The following ROR2 variants were observed in gnomAD, a reference collection of about 807,000 sequenced individuals.
ROR2 encodes the protein ROR family WNT receptor 2, also known as tyrosine-protein kinase transmembrane receptor ROR2.
Under a neutral mutation model 74.9 loss-of-function variants are expected in ROR2, and 33 were observed. That is an observed-to-expected ratio of 0.44 (90% CI 0.33 to 0.59). The LOEUF (loss-of-function observed/expected upper bound fraction) is 0.59, where lower values mean the gene tolerates loss of function less well. Among genes scored for constraint, ROR2 ranks in the 20% least tolerant of loss-of-function variants. ROR2 has a pLI of 0.02. For missense variants in ROR2, 1,216 were observed against 1,313.8 expected (o/e 0.93, Z 1.15); for synonymous variants, 586 against 558.7 (o/e 1.05, Z -0.69).
intron 1 of ROR2, among the ~76,000 whole-genome samples, chr9:91,936,480 C>G (rs910756347): frequency 6.6e-6 from 1 of 152,158 alleles, no homozygotes; most frequent in East Asian, 1.9e-4. Flanking sequence ...TGGATTATAG[C>G]CCACCGTAAA....
Position 91,724,423 on chromosome 9 carries a change from G to A in ROR2, c.2071C>T (p.Gln691Ter), listed in dbSNP as rs1354684109. The change falls in exon 9 of 9, where the codon CAG (glutamine) becomes TAG (stop). Residue 691 changes from glutamine to a stop codon, truncating the protein, a stop_gained. Coordinates refer to ENST00000375708, the MANE Select transcript of ROR2 (RefSeq NM_004560.4). LOFTEE classifies it high-confidence loss of function. Reference sequence around the variant, plus strand: ...TGGTTGGAGTACCCGCAGTAGGGCTGCAGGCCGTAGCTGAAGACCTCCCAC... The same window carrying A: ...TGGTTGGAGTACCCGCAGTAGGGCTACAGGCCGTAGCTGAAGACCTCCCAC... ...VLWEVFSYGL[Q>*]PYCGYSNQDV... 6.2e-7 allele frequency: 1 copy of A among 1,614,146 alleles called. No individual in the cohort carries two copies. The highest frequency in any genetic ancestry group is 8.5e-7 in the Non-Finnish European group (1 of 1,180,018).
chr9:91,862,756 G>C (rs1162304280), intron 1 of ROR2, among the ~76,000 whole-genome samples: 1 of 152,212 alleles, frequency 6.6e-6, no homozygotes, highest in Non-Finnish European at 1.5e-5. Context: ...AAATCTTCCA[G>C]CACCTTGATC....
At chr9:91,746,938 C>T (rs1825441878) in intron 4 of ROR2, among the ~76,000 whole-genome samples, 1 of 151,940 alleles carries the variant, frequency 6.6e-6, no homozygotes, top group Non-Finnish European at 1.5e-5. Context: ...GGGTCCAGGA[C>T]AGCAACACAC....
intron 2 of ROR2, among the ~76,000 whole-genome samples, chr9:91,770,902 C>T (rs1826206148): frequency 1.3e-5 from 2 of 152,126 alleles, no homozygotes; most frequent in South Asian, 2.1e-4. Flanking sequence ...ATAATTCGGC[C>T]GATATGACCT....
rs968394913 is a variant in ROR2 at position 91,723,699 on chromosome 9, A to G, written c.2795T>C (p.Leu932Pro). The G allele has an allele frequency of 1.9e-6, 3 of 1,613,742 alleles. No homozygotes were observed. Among genetic ancestry groups the G allele is most frequent in the Non-Finnish European group, 2.5e-6 (3 of 1,180,010 alleles). The change falls in exon 9 of 9, where the codon CTG becomes CCG. Residue 932 changes from leucine to proline, a missense_variant. Leu to Pro is a moderately conservative substitution (Grantham distance 98, BLOSUM62 -3). Coordinates refer to ENST00000375708, the MANE Select transcript of ROR2 (RefSeq NM_004560.4). ...ETELLGDCDT[L>P]QVDEAQVQLE... The stretch of plus-strand genomic sequence containing the variant: ...CTGGACTTGGGCCTCGTCCACCTGC[A>G]GAGTGTCACAGTCCCCCAGCAGCTC...
intron 1 of ROR2, among the ~76,000 whole-genome samples, chr9:91,932,766 T>C (rs761213032): frequency 6.6e-5 from 10 of 152,202 alleles, no homozygotes; most frequent in African/African-American, 2.4e-4. Flanking sequence ...TGAACGCTTA[T>C]TTGCCAGAAA....
intron 1 of ROR2, among the ~76,000 whole-genome samples, chr9:91,810,980 T>C (rs1209494072): frequency 1.3e-5 from 2 of 152,230 alleles, no homozygotes; most frequent in Non-Finnish European, 2.9e-5. Context: ...ACGTGGTTCT[T>C]TTTCTCAGCA....
chr9:91,746,692 G>A (rs895570152), intron 4 of ROR2, among the ~76,000 whole-genome samples: 1 of 152,178 alleles, frequency 6.6e-6, no homozygotes, highest in African/African-American at 2.4e-5. Context: ...AAGGAGTCCC[G>A]GGTCACAAAC....
At chr9:91,949,167 C>T (rs1223699101) in intron 1 of ROR2, among the ~76,000 whole-genome samples, 1 of 151,610 alleles carries the variant, frequency 6.6e-6, no homozygotes, top group Admixed American at 6.6e-5. Context: ...GCTCAGGGAC[C>T]CGCGATCCCA....
intron 8 of ROR2, 66 bp from the exon 9 acceptor site, chr9:91,725,173 C>A (rs917677455): frequency 5.6e-6 from 9 of 1,605,178 alleles, no homozygotes; most frequent in Non-Finnish European, 7.6e-6. Context: ...AGCTGCAGAG[C>A]AGCCGGGAGG....
chr9:91,772,128 G>A (rs1220705512), intron 2 of ROR2, among the ~76,000 whole-genome samples: 1 of 152,192 alleles, frequency 6.6e-6, no homozygotes, highest in Non-Finnish European at 1.5e-5. Flanking sequence ...AGGACGGGTG[G>A]AGTGAGTCTC....
At chr9:91,886,861 T>TA (rs1354978416) in intron 1 of ROR2, 2 of 152,222 alleles carry the variant, frequency 1.3e-5, no homozygotes, top group Non-Finnish European at 2.9e-5. Context: ...ACCCACTACT[T>TA]ACCATTTAAG....
chr9:91,910,892 G>T lies in ROR2; in HGVS notation c.97+38975C>A, dbSNP rs568018405. 2.5e-3 allele frequency among the ~76,000 whole-genome samples: 374 copies of T among 152,268 alleles called. 1 individual carries two copies. The highest frequency in any genetic ancestry group is 0.01 in the Middle Eastern group (3 of 294). On this transcript the variant is annotated intron_variant, in intron 1 of 8. Coordinates refer to ENST00000375708, the MANE Select transcript of ROR2 (RefSeq NM_004560.4). Reference sequence around the variant, plus strand: ...TTGGCCAAGCTGGTCTCTAACTCCTGACCTCATATGATCTGCCCTCCTCAG... The same window carrying T: ...TTGGCCAAGCTGGTCTCTAACTCCTTACCTCATATGATCTGCCCTCCTCAG...
chr9:91,756,019 A>G lies in ROR2; in HGVS notation c.494+52T>C, dbSNP rs200892985. The G allele has an allele frequency of 1.7e-3, 2,673 of 1,591,672 alleles. 3 individuals carry two copies. The highest frequency in any genetic ancestry group is 5.8e-3 in the Middle Eastern group (35 of 6,022). ...GGATTTAAACCCCGGATTCCTACAT[A>G]ACAAAAACCCTCAGAGCAGCAGAAC... On this transcript the variant is annotated intron_variant, in intron 4 of 8. Coordinates refer to ENST00000375708, the MANE Select transcript of ROR2 (RefSeq NM_004560.4).
chr9:91,823,815 G>A (rs1828206393), intron 1 of ROR2, among the ~76,000 whole-genome samples: 1 of 152,222 alleles, frequency 6.6e-6, no homozygotes, highest in African/African-American at 2.4e-5. Flanking sequence ...ATTACATTTA[G>A]TTAGGCTGGG....
intron 6 of ROR2, among the ~76,000 whole-genome samples, chr9:91,732,086 GACCAGGCCCTGGCTGGTCCTGGTAA>G (rs1837262811): frequency 6.6e-6 from 1 of 152,046 alleles, no homozygotes; most frequent in Non-Finnish European, 1.5e-5. Context: ...CGGGCCCAAG[GACCAGGCCCTGGCTGGTCCTGGTAA>G]GGAGTCCTGG....
At chr9:91,944,926 C>T (rs543661499) in intron 1 of ROR2, among the ~76,000 whole-genome samples, 2 of 152,090 alleles carry the variant, frequency 1.3e-5, no homozygotes, top group African/African-American at 2.4e-5. Context: ...CACGGTAGCG[C>T]GTGCCTGTGG....
At chr9:91,909,838 G>GTTTTTTTTTTTTTTTT (rs1278227036) in intron 1 of ROR2, among the ~76,000 whole-genome samples, 2 of 63,196 alleles carry the variant, frequency 3.2e-5, no homozygotes, top group African/African-American at 6.5e-5. Flanking sequence ...TTTTTTTTAG[G>GTTTTTTTTTTTTTTTT]TTTGTTTTGT....
At chr9:91,764,327 T>A (rs536546464) in intron 2 of ROR2, among the ~76,000 whole-genome samples, 5 of 152,348 alleles carry the variant, frequency 3.3e-5, no homozygotes, top group Non-Finnish European at 7.3e-5. Flanking sequence ...TGGCATATAA[T>A]TTTACATTTT....
Sources: allele counts gnomAD v4.1 joint callset (sites outside exome capture counted in the v4.1 genomes callset), GRCh38; gene constraint gnomAD v4.1.1; transcripts MANE v1.5; gene names NCBI Gene and HGNC (gene_info 2026-07-23, HGNC 2026-07-21).